Variants in SMARCE1 observed in about 807,000 individuals in gnomAD.
SMARCE1 encodes the protein SWI/SNF-related matrix-associated actin-dependent regulator of chromatin subfamily E member 1.
In SMARCE1, 13 loss-of-function variants were observed where a neutral mutation model predicts 54.9. The ratio of observed to expected loss-of-function variants is 0.24; its 90% CI spans 0.15 to 0.38. The LOEUF is 0.38. SMARCE1 is among the 10% of genes least tolerant of loss of function. SMARCE1 has a pLI of 1.00. For synonymous variants in SMARCE1, 151 were observed against 175.3 expected (o/e 0.86, Z 1.10); for missense variants, 295 against 523.8 (o/e 0.56, Z 4.26).
At chr17:40,635,511 A>T (rs1485473890) in intron 7 of SMARCE1, 1 of 153,806 alleles carries the variant, frequency 6.5e-6, no homozygotes, top group African/African-American at 2.4e-5. Context: ...TTTCTGAATT[A>T]AATGGAAAGG....
rs1303684405 is a variant in SMARCE1, at chr17:40,627,334, C to A, written c.*1451G>T. 6.6e-6 allele frequency: 1 copy of A among 152,176 alleles called. No individual in the cohort carries two copies. The highest frequency in any genetic ancestry group is 1.5e-5 in the Non-Finnish European group (1 of 68,038). 9.4% of individuals were successfully genotyped at this position (152,176 alleles called of 1,614,324 possible). ...AGCAGTGAATCCACTTAAATTAACT[C>A]ATGCTGGTACAGAGTCCTCTCCATA... is the stretch of plus-strand genomic sequence containing the variant. On this transcript the variant is annotated 3_prime_UTR_variant, in exon 11 of 11. Coordinates refer to ENST00000348513, the MANE Select transcript of SMARCE1 (RefSeq NM_003079.5).
chr17:40,629,681 A>G, intron 10 of SMARCE1: 1 of 411,928 alleles, frequency 2.4e-6, no homozygotes, highest in Non-Finnish European at 4.2e-6. Context: ...AACCTTAAGC[A>G]TAAGACATGC....
intron 3 of SMARCE1, chr17:40,644,688 T>C (rs2037235880): frequency 6.6e-6 from 1 of 152,198 alleles, no homozygotes. Context: ...TTAGTAAATA[T>C]GAGTAGTTTT....
Position 40,627,785 on chromosome 17 carries a change from A to C in SMARCE1, c.*1000T>G, listed in dbSNP as rs1028241104. 4.6e-5 allele frequency: 7 copies of C among 152,612 alleles called. No homozygotes were observed. The highest frequency in any genetic ancestry group is 1.7e-4 in the African/African-American group (7 of 41,442). The allele number at this position is 152,612 out of a possible 1,614,324, so 9.5% of individuals were successfully genotyped here. On this transcript the variant is annotated 3_prime_UTR_variant, in exon 11 of 11. Coordinates refer to ENST00000348513, the MANE Select transcript of SMARCE1 (RefSeq NM_003079.5). ...CATCAGATATACCACTATTCAGTAA[A>C]AATCTATTCTAGTTTTTGGGAAGCT...
chr17:40,640,315 T>TA (rs1390567500), intron 4 of SMARCE1, among the ~76,000 whole-genome samples: 2 of 152,230 alleles, frequency 1.3e-5, no homozygotes, highest in East Asian at 3.8e-4. Context: ...AAGAACTGAC[T>TA]AGGAGTGAAT....
At chr17:40,638,856 C>A (rs1053690051) in intron 4 of SMARCE1, among the ~76,000 whole-genome samples, 1 of 152,144 alleles carries the variant, frequency 6.6e-6, no homozygotes. Flanking sequence ...CCCAGAGATA[C>A]TCCTCCACTC....
intron 7 of SMARCE1, 112 bp from the exon 8 acceptor site, chr17:40,632,479 T>C (rs2037104871): frequency 1.2e-6 from 1 of 862,412 alleles, no homozygotes; most frequent in Non-Finnish European, 1.8e-6. Flanking sequence ...GCCTAACAAG[T>C]GGACCTGCCC....
intron 3 of SMARCE1, chr17:40,645,330 A>G (rs925970700): frequency 7.4e-6 from 3 of 407,382 alleles, no homozygotes; most frequent in African/African-American, 7.4e-5. Flanking sequence ...ATTTACAAAG[A>G]AAAAACAAAA....
Position 40,642,605 on chromosome 17 carries a change from A to G in SMARCE1, c.52-46T>C. 1 of 1,148,310 alleles carries G rather than the reference A, an allele frequency of 8.7e-7. No homozygotes were observed. The highest frequency in any genetic ancestry group is 1.3e-6 in the Non-Finnish European group (1 of 767,858). The allele number at this position is 1,148,310 out of a possible 1,614,324, so 71.1% of individuals were successfully genotyped here. ...AAAAACACGAATGAGAAATGAGCTC[A>G]AACGAGGAAAACACAGAAATGAAAA... On this transcript the variant is annotated intron_variant, in intron 3 of 10. Coordinates refer to ENST00000348513, the MANE Select transcript of SMARCE1 (RefSeq NM_003079.5). The surrounding 1 kb of genome is among the most constrained non-coding windows in gnomAD (Gnocchi z 4.6).
At position 40,632,399 on chromosome 17, in the gene SMARCE1, T is replaced by C. The variant is rs757233346; in HGVS notation, c.542-32A>G. The C allele has an allele frequency of 6.9e-6, 11 of 1,593,366 alleles. 1 individual carries two copies. The highest frequency in any genetic ancestry group is 5.0e-5 in the Admixed American group (3 of 59,530). The stretch of plus-strand genomic sequence containing the variant: ...TGAACAAATTGTTCTGGAAATCAGG[T>C]CACCAGTAACCATAAAAAGGAGTGT... On this transcript the variant is annotated intron_variant, in intron 7 of 10. Coordinates refer to ENST00000348513, the MANE Select transcript of SMARCE1 (RefSeq NM_003079.5).
intron 4 of SMARCE1, chr17:40,641,239 A>AG (rs1363478096): frequency 1.3e-5 from 2 of 152,230 alleles, no homozygotes; most frequent in African/African-American, 4.8e-5. Flanking sequence ...TGTTTAGGCC[A>AG]GGGAAAAACA....
intron 3 of SMARCE1, 149 bp downstream of exon 3, chr17:40,645,427 T>G: frequency 2.0e-6 from 1 of 500,626 alleles, no homozygotes; most frequent in Non-Finnish European, 3.5e-6. Context: ...ATAATTATTT[T>G]ATTTAGTAGG....
At chr17:40,641,407 A>G (rs1429152374) in intron 4 of SMARCE1, 1 of 152,206 alleles carries the variant, frequency 6.6e-6, no homozygotes, top group Non-Finnish European at 1.5e-5. Flanking sequence ...AATTTAGACA[A>G]ACAAAACCTA....
At position 40,626,183 on chromosome 17, in the gene SMARCE1, C is replaced by A. The variant is rs907599669; in HGVS notation, c.*2602G>T. ...TGGATGTTGCAGTGAGCCGAGATGGCGCCATTACACTCCAGCCTGGGCAAC... is the reference window on the plus strand; with the variant it reads ...TGGATGTTGCAGTGAGCCGAGATGGAGCCATTACACTCCAGCCTGGGCAAC... On this transcript the variant is annotated 3_prime_UTR_variant, in exon 11 of 11. Transcript: ENST00000348513. The A allele has an allele frequency of 6.6e-6, 1 of 151,768 alleles. No homozygotes were observed. Among genetic ancestry groups the A allele is most frequent in the African/African-American group, 2.4e-5 (1 of 41,296 alleles). The allele number at this position is 151,768 out of a possible 1,614,324, so 9.4% of individuals were successfully genotyped here.
intron 7 of SMARCE1, chr17:40,634,898 T>C (rs909176372): frequency 1.3e-5 from 2 of 152,242 alleles, no homozygotes; most frequent in African/African-American, 4.8e-5. Context: ...CTAGTGTGTC[T>C]TTAGCACTGC....
chr17:40,630,722 A>G lies in SMARCE1; in HGVS notation c.1019T>C (p.Met340Thr), dbSNP rs746602244. The G allele has an allele frequency of 5.6e-6, 9 of 1,613,962 alleles. No homozygotes were observed. In the Admixed American group the frequency reaches 1.2e-4, roughly 21 times the overall value. ...EEKKDDENIP[M>T]ETEETHLEET... The stretch of plus-strand genomic sequence containing the variant: ...TGTTGCTAGTGGGTTACCTGTCTCC[A>G]TCGGAATGTTCTCGTCGTCTTTCTT... Residue 340 changes from methionine to threonine, a missense_variant, in exon 10 of 11, where the codon ATG becomes ACG. Transcript: ENST00000348513.
intron 3 of SMARCE1, 162 bp downstream of exon 3, chr17:40,645,414 C>T: frequency 2.0e-6 from 1 of 489,124 alleles, no homozygotes; most frequent in Non-Finnish European, 3.6e-6. Flanking sequence ...AGGAAAGATG[C>T]AAATAATTAT....
Position 40,627,904 on chromosome 17 carries a change from G to A in SMARCE1, c.*881C>T, listed in dbSNP as rs1022066323. On this transcript the variant is annotated 3_prime_UTR_variant, in exon 11 of 11. Coordinates refer to ENST00000348513, the MANE Select transcript of SMARCE1 (RefSeq NM_003079.5). ...GGTCTATGGGATCCTGAGCCTTGAG[G>A]TTTGGATGTTCTGATTATTGTAAAA... 2.0e-5 allele frequency: 3 copies of A among 152,574 alleles called. No homozygotes were observed. Among genetic ancestry groups the A allele is most frequent in the East Asian group, 1.9e-4 (1 of 5,204 alleles). The allele number at this position is 152,574 out of a possible 1,614,324, so 9.5% of individuals were successfully genotyped here.
At chr17:40,640,614 T>C (rs140659271) in intron 4 of SMARCE1, 6 of 152,314 alleles carry the variant, frequency 3.9e-5, no homozygotes, top group East Asian at 1.9e-4. Context: ...ATCAGAGCCA[T>C]TGAGTCCTAA....
Sources: gnomAD v4.1 joint callset for allele counts (sites outside exome capture counted in the v4.1 genomes callset) on GRCh38, gnomAD v4.1.1 for gene constraint, Gnocchi (gnomAD v3.1) non-coding constraint, MANE v1.5 for transcripts, NCBI Gene and HGNC (gene_info 2026-07-23, HGNC 2026-07-21) for gene names.